The following DNAAF9 variants were observed in gnomAD, a reference collection of about 807,000 sequenced individuals.
DNAAF9 encodes the protein dynein axonemal assembly factor 9.
In DNAAF9, 90 loss-of-function variants were observed where a neutral mutation model predicts 167.0. The ratio of observed to expected loss-of-function variants is 0.54; its 90% confidence interval spans 0.45 to 0.64. DNAAF9 has a LOEUF of 0.64. Ranked by LOEUF, DNAAF9 falls within the 30% of genes least tolerant of loss-of-function variation. DNAAF9 has a pLI of 0.00. For synonymous variants in DNAAF9, 491 were observed against 508.8 expected (o/e 0.96, Z 0.47); for missense variants, 1,315 against 1,442.2 (o/e 0.91, Z 1.43).
intron 1 of DNAAF9, among the ~76,000 whole-genome samples, chr20:3,391,525 C>G (rs761091539): frequency 3.3e-5 from 5 of 151,880 alleles, no homozygotes; most frequent in Non-Finnish European, 7.4e-5. Context: ...ATCCTCACCC[C>G]CCAGAGGTCA....
Position 3,250,819 on chromosome 20 carries a change from C to T in DNAAF9, c.*1753G>A, listed in dbSNP as rs1346259768. The T allele has an allele frequency of 6.6e-6, 1 of 152,156 alleles. No homozygotes were observed. Among genetic ancestry groups the T allele is most frequent in the African/African-American group, 2.4e-5 (1 of 41,380 alleles). 9.4% of individuals were successfully genotyped at this position (152,156 alleles called of 1,614,324 possible). On this transcript the variant is annotated 3_prime_UTR_variant, in exon 37 of 37. Transcript: ENST00000252032. The stretch of plus-strand genomic sequence containing the variant: ...ATGGCCTGTGGTTCCCACCCCCCAA[C>T]CCCTTTTCTAAGGCTGCTCAAGTTT...
chr20:3,318,446 T>G, intron 16 of DNAAF9, 46 bp from the exon 17 acceptor site: 1 of 936,296 alleles, frequency 1.1e-6, no homozygotes, highest in Non-Finnish European at 1.8e-6. Context: ...AGCCCAAAAC[T>G]TTCAGAGAAG....
rs887055215 is a variant in DNAAF9, at chr20:3,387,489, C to T, written c.84-4983G>A. 1.1e-4 allele frequency among the ~76,000 whole-genome samples: 17 copies of T among 152,202 alleles called. 2 individuals carry two copies. Among genetic ancestry groups the T allele is most frequent in the Admixed American group, 1.0e-3 (16 of 15,272 alleles). On this transcript the variant is annotated intron_variant, in intron 1 of 36. Transcript: ENST00000252032. ...ACCGTACACCATATAAAGAAATTAA[C>T]TCAAAATGTATCAAAGACCTAAACA... is the stretch of plus-strand genomic sequence containing the variant.
intron 7 of DNAAF9, among the ~76,000 whole-genome samples, chr20:3,352,846 TTA>T (rs11471503): frequency 0.22 from 32,584 of 146,590 alleles, 4,063 homozygotes; most frequent in African/African-American, 0.33. Flanking sequence ...TTCAAAATAT[TTA>T]TATATATATA....
intron 6 of DNAAF9, chr20:3,361,820 GA>G: frequency 2.2e-6 from 3 of 1,384,044 alleles, no homozygotes; most frequent in Non-Finnish European, 3.0e-6. Flanking sequence ...ACTGAAAAAT[GA>G]AGACTGCTTA....
At chr20:3,270,387 G>C in intron 30 of DNAAF9, 40 bp downstream of exon 30, 1 of 1,587,590 alleles carries the variant, frequency 6.3e-7, no homozygotes, top group East Asian at 2.2e-5. Context: ...TGCTGTATCT[G>C]AGAAAGCAAC....
In DNAAF9 at chr20:3,326,275, C is replaced by A. The variant is rs978736414; in HGVS notation, c.1110G>T (p.Leu370Phe). The change falls in exon 13 of 37, where the codon TTG becomes TTT. Residue 370 changes from leucine to phenylalanine, a missense_variant. By Grantham distance (22) the Leu-to-Phe change is conservative. Transcript: ENST00000252032. ...CAATAACAGCAGCATATATCTGGGA[C>A]AATAGCCTACTTTAAAAACAAAAAA... is the stretch of plus-strand genomic sequence containing the variant. Reference protein sequence around the residue: ...LPKKTEQIRLLSQIYAAVIEA... With the variant: ...LPKKTEQIRLFSQIYAAVIEA... The A allele has an allele frequency of 4.3e-6, 7 of 1,610,830 alleles. No individual in the cohort carries two copies. The highest frequency in any genetic ancestry group is 1.3e-5 in the African/African-American group (1 of 74,828).
At chr20:3,259,432 T>A (rs370645959) in intron 33 of DNAAF9, 48 bp downstream of exon 33, 24 of 1,164,940 alleles carry the variant, frequency 2.1e-5, no homozygotes, top group South Asian at 1.8e-4. Flanking sequence ...CATCATGAGA[T>A]GCAAGCACTC....
At chr20:3,253,586 C>T in intron 36 of DNAAF9, 140 bp downstream of exon 36, 1 of 647,330 alleles carries the variant, frequency 1.5e-6, no homozygotes, top group Non-Finnish European at 2.8e-6. Context: ...CTGTGCATTC[C>T]TGACCCATCA....
chr20:3,340,462 G>A, intron 10 of DNAAF9, 42 bp downstream of exon 10: 2 of 257,626 alleles, frequency 7.8e-6, no homozygotes, highest in Non-Finnish European at 6.7e-6. Context: ...CCCACAACTT[G>A]ATAATAAAAC....
intron 7 of DNAAF9, 43 bp from the exon 8 acceptor site, chr20:3,348,666 G>A: frequency 8.2e-7 from 1 of 1,225,074 alleles, no homozygotes. Context: ...GTCATATAAA[G>A]GAGGTATTTT....
At chr20:3,266,578 C>T (rs935261282) in intron 30 of DNAAF9, among the ~76,000 whole-genome samples, 6 of 149,702 alleles carry the variant, frequency 4.0e-5, no homozygotes, top group South Asian at 2.1e-4. Flanking sequence ...CCCAGGTTTA[C>T]GCCATTCTCC....
chr20:3,380,277 A>C (rs2083630513), intron 3 of DNAAF9, among the ~76,000 whole-genome samples: 1 of 152,194 alleles, frequency 6.6e-6, no homozygotes, highest in South Asian at 2.1e-4. Flanking sequence ...ATTTGAATGG[A>C]AAAAATTGTA....
At chr20:3,394,949 C>CTTTTTTTTTTTTTTTTTTTTT (rs10522445) in intron 1 of DNAAF9, among the ~76,000 whole-genome samples, 7 of 102,130 alleles carry the variant, frequency 6.9e-5, no homozygotes, top group Admixed American at 1.2e-4. Flanking sequence ...TTTCTTTTTT[C>CTTTTTTTTTTTTTTTTTTTTT]TTTTTTTTTT....
In DNAAF9 at chr20:3,287,653, C is replaced by T. The variant is rs755207261; in HGVS notation, c.2465G>A (p.Arg822Lys). 1.7e-5 allele frequency: 27 copies of T among 1,614,132 alleles called. No homozygotes were observed. Among genetic ancestry groups the T allele is most frequent in the Non-Finnish European group, 2.2e-5 (26 of 1,180,056 alleles). ...TCACCCTTGTAACACCACCAGCAGT[C>T]TGGTCTTCTTGCGGATGTAGGCTGA... ...RQSAYIRKKT[R>K]LLVVLQGYTD... Residue 822 changes from arginine (R) to lysine (K), a missense_variant, in exon 27 of 37, where the codon AGA becomes AAA. Arg to Lys is a conservative substitution (Grantham distance 26, BLOSUM62 2). Around this residue, in one of 2 missense-constraint regions of DNAAF9, gnomAD observed 981 missense variants for 1,012.5 expected, o/e 0.97. Coordinates refer to ENST00000252032, the MANE Select transcript of DNAAF9 (RefSeq NM_001009984.3).
At chr20:3,325,865 T>A (rs911860383) in intron 13 of DNAAF9, among the ~76,000 whole-genome samples, 4 of 147,136 alleles carry the variant, frequency 2.7e-5, no homozygotes, top group African/African-American at 1.0e-4. Flanking sequence ...AGTAGAATAA[T>A]CTAAAGTTGT....
Position 3,255,987 on chromosome 20 carries a change from T to A in DNAAF9, c.3261+19A>T. The A allele has an allele frequency of 6.2e-7, 1 of 1,600,482 alleles. No homozygotes were observed. On this transcript the variant is annotated intron_variant, in intron 34 of 36. Transcript: ENST00000252032. ...TCTGGTCACATCTGTGTCAGGTCTGTCTGGGCTCTGGAAACCACCTGCTTA... is the reference window on the plus strand; with the variant it reads ...TCTGGTCACATCTGTGTCAGGTCTGACTGGGCTCTGGAAACCACCTGCTTA...
At chr20:3,332,197 A>G (rs1172611064) in intron 11 of DNAAF9, 83 bp downstream of exon 11, 3 of 755,024 alleles carry the variant, frequency 4.0e-6, no homozygotes, top group African/African-American at 1.8e-5. Flanking sequence ...CAAGCAAAGT[A>G]GTGAATTGTA....
intron 33 of DNAAF9, among the ~76,000 whole-genome samples, chr20:3,256,736 C>G (rs2068287327): frequency 6.6e-6 from 1 of 152,322 alleles, no homozygotes; most frequent in African/African-American, 2.4e-5. Context: ...GAGACATCCA[C>G]ATAGTCCCTG....
Sources: allele counts gnomAD v4.1 joint callset (sites outside exome capture counted in the v4.1 genomes callset), GRCh38; gene constraint gnomAD v4.1.1; regional missense constraint gnomAD v4.1.1; transcripts MANE v1.5; gene names NCBI Gene and HGNC (gene_info 2026-07-23, HGNC 2026-07-21).